LARP1B: variants seen among roughly 807,000 people sequenced by gnomAD.
LARP1B encodes La ribonucleoprotein 1B.
LARP1B carries 76 observed loss-of-function variants against 114.2 expected under a neutral mutation model. The ratio of observed to expected loss-of-function variants is 0.67; its 90% CI spans 0.55 to 0.81. LARP1B has a LOEUF of 0.81. LARP1B is among the 30% of genes least tolerant of loss of function. The pLI is 0.00. For synonymous variants in LARP1B, 345 were observed against 348.0 expected (o/e 0.99, Z 0.10); for missense variants, 1,014 against 1,075.8 (o/e 0.94, Z 0.80).
chr4:128,106,731 A>G (rs1429928571), intron 8 of LARP1B, among the ~76,000 whole-genome samples: 1 of 152,082 alleles, frequency 6.6e-6, no homozygotes, highest in African/African-American at 2.4e-5. Flanking sequence ...GTGAGGAATC[A>G]TGAGTACATG....
chr4:128,081,569 C>T (rs1770451348), intron 4 of LARP1B, among the ~76,000 whole-genome samples: 2 of 151,896 alleles, frequency 1.3e-5, no homozygotes, highest in Middle Eastern at 3.2e-3. Context: ...GATTTTTGGG[C>T]GGCTGGGCGT....
In LARP1B at chr4:128,067,945, A is replaced by G. The variant is rs554936826; in HGVS notation, c.-77-6515A>G. On this transcript the variant is annotated intron_variant, in intron 1 of 19. Coordinates refer to ENST00000326639, the MANE Select transcript of LARP1B (RefSeq NM_018078.4). ...ACCCAGGCTGGACTGCAGTGGCACA[A>G]TCTCGGCTCACTGCAAGCTCCGCCT... Among the ~76,000 whole-genome samples the G allele has an allele frequency of 2.0e-5, 3 of 151,800 alleles. No homozygotes were observed. In the South Asian group the frequency reaches 6.2e-4, roughly 32 times the overall value.
chr4:128,073,701 C>T (rs1397656828), intron 1 of LARP1B, among the ~76,000 whole-genome samples: 1 of 141,160 alleles, frequency 7.1e-6, no homozygotes, highest in Non-Finnish European at 1.5e-5. Context: ...AGCGATTCTC[C>T]TGCCTCAGCC....
intron 5 of LARP1B, among the ~76,000 whole-genome samples, chr4:128,084,957 G>A (rs987860402): frequency 3.3e-5 from 5 of 151,920 alleles, no homozygotes; most frequent in South Asian, 4.1e-4. Flanking sequence ...TCTGCCTCCC[G>A]GGTTCAAGCA....
At chr4:128,221,216 C>T (rs1210606244) in intron 7 of LARP1B, among the ~76,000 whole-genome samples, 1 of 151,964 alleles carries the variant, frequency 6.6e-6, no homozygotes, top group East Asian at 1.9e-4. Flanking sequence ...AAATATCATC[C>T]ATGTGTTTAA....
intron 13 of LARP1B, 148 bp downstream of exon 13, chr4:128,177,055 G>C: frequency 1.4e-6 from 1 of 739,966 alleles, no homozygotes; most frequent in East Asian, 2.6e-5. Context: ...GGTGCTATTT[G>C]TGTCACCAAG....
Position 128,209,980 on chromosome 4 carries a change from C to A in LARP1B, c.2672C>A (p.Thr891Asn). The A allele has an allele frequency of 6.2e-7, 1 of 1,614,044 alleles. No individual in the cohort carries two copies. The highest frequency in any genetic ancestry group is 8.5e-7 in the Non-Finnish European group (1 of 1,179,946). ...CCAAATGCTGCTAAACCTACATCTA[C>A]CAGTGAGCTTCAGGTACCAATAAAC... The part of the protein sequence containing the change: ...KPPNAAKPTS[T>N]SELQVPINSP... Residue 891 changes from threonine (T) to asparagine (N), a missense_variant, in exon 20 of 20, where the codon ACC (threonine) becomes AAC (asparagine). Transcript: ENST00000326639.
At chr4:128,081,109 G>A (rs1185879867) in intron 4 of LARP1B, among the ~76,000 whole-genome samples, 2 of 140,340 alleles carry the variant, frequency 1.4e-5, no homozygotes, top group East Asian at 2.1e-4. Flanking sequence ...ACAGACTCTC[G>A]TCTCTGTCAC....
At chr4:128,063,382 C>G (rs1254150050) in intron 1 of LARP1B, among the ~76,000 whole-genome samples, 1 of 123,490 alleles carries the variant, frequency 8.1e-6, no homozygotes, top group Non-Finnish European at 1.6e-5. Flanking sequence ...GAGCCGAGAT[C>G]GCGCCACTGC....
intron 11 of LARP1B, among the ~76,000 whole-genome samples, chr4:128,161,241 C>G (rs1738336384): frequency 6.6e-6 from 1 of 152,104 alleles, no homozygotes; most frequent in African/African-American, 2.4e-5. Flanking sequence ...AGGGTTCAAC[C>G]TTTAAGTTCA....
intron 11 of LARP1B, among the ~76,000 whole-genome samples, chr4:128,126,248 A>T (rs1789575069): frequency 6.6e-6 from 1 of 151,720 alleles, no homozygotes; most frequent in East Asian, 1.9e-4. Flanking sequence ...CAGCCTCCAA[A>T]GTAGCTGGGA....
At chr4:128,166,970 C>A (rs4529064) in intron 12 of LARP1B, among the ~76,000 whole-genome samples, 18,050 of 75,450 alleles carry the variant, frequency 0.24, 1,785 homozygotes, top group Middle Eastern at 0.28. Flanking sequence ...CTCTCTCTCT[C>A]TATATATATA....
At chr4:128,159,327 T>TA (rs1737315148) in intron 11 of LARP1B, among the ~76,000 whole-genome samples, 1 of 152,210 alleles carries the variant, frequency 6.6e-6, no homozygotes, top group Non-Finnish European at 1.5e-5. Context: ...ACTGTATTAT[T>TA]ACCACAAAGT....
At chr4:128,061,229 A>C (rs1384375278), upstream of LARP1B, 1 of 151,984 alleles carries the variant, frequency 6.6e-6, no homozygotes. Context: ...GGACCCGGTG[A>C]GTAGCCACGT....
rs375566414 is a variant in LARP1B at position 128,210,064 on chromosome 4, C to G, written c.*11C>G. 25 of 1,613,802 alleles carry G rather than the reference C, an allele frequency of 1.5e-5. No homozygotes were observed. The African/African-American group carries it at 2.3e-4, about 15-fold the overall frequency. On this transcript the variant is annotated 3_prime_UTR_variant, in exon 20 of 20. Transcript: ENST00000326639. Reference sequence around the variant, plus strand: ...GACAATTCACATTAAACAGTGCTGCCTGTGTCCTGTGGTCTCAAGAAATGG... The same window carrying G: ...GACAATTCACATTAAACAGTGCTGCGTGTGTCCTGTGGTCTCAAGAAATGG...
intron 10 of LARP1B, among the ~76,000 whole-genome samples, chr4:128,119,017 A>G (rs893083614): frequency 6.6e-6 from 1 of 151,660 alleles, no homozygotes; most frequent in African/African-American, 2.4e-5. Context: ...AGTAGCTGGG[A>G]TTACAGGCAC....
intron 1 of LARP1B, among the ~76,000 whole-genome samples, chr4:128,072,947 T>G (rs1292997420): frequency 6.6e-6 from 1 of 152,196 alleles, no homozygotes; most frequent in Non-Finnish European, 1.5e-5. Context: ...AGTTATATAG[T>G]ATTCTGTGTA....
intron 11 of LARP1B, chr4:128,155,418 G>A (rs1735052870): frequency 1.5e-6 from 1 of 657,194 alleles, no homozygotes; most frequent in Non-Finnish European, 2.7e-6. Context: ...AACCCGGCCC[G>A]AGCTCCGGGA....
chr4:128,166,337 T>C (rs1423475219), intron 12 of LARP1B, among the ~76,000 whole-genome samples: 1 of 151,970 alleles, frequency 6.6e-6, no homozygotes. Context: ...TCTCACTTTC[T>C]CCATCTCTAT....
Sources: gnomAD v4.1 joint callset for allele counts (sites outside exome capture counted in the v4.1 genomes callset) on GRCh38, gnomAD v4.1.1 for gene constraint, MANE v1.5 for transcripts, NCBI Gene and HGNC (gene_info 2026-07-23, HGNC 2026-07-21) for gene names.